Variants in TTC7A observed in about 807,000 individuals in gnomAD.
TTC7A encodes tetratricopeptide repeat domain 7A.
Under a neutral mutation model 103.7 loss-of-function variants are expected in TTC7A, and 110 were observed. That is an observed-to-expected ratio of 1.06 (90% CI 0.91 to 1.24). The LOEUF is 1.24. Among genes scored for constraint, TTC7A ranks in the 50% most tolerant of loss-of-function variants. The pLI, the probability that TTC7A is intolerant of heterozygous loss-of-function variation, is 0.00. For missense variants in TTC7A, 1,340 were observed against 1,116.3 expected, an observed-to-expected ratio of 1.20 and a Z score of -2.86; for synonymous variants, 521 against 467.9, an observed-to-expected ratio of 1.11 and a Z score of -1.47.
At chr2:47,038,048 T>G (rs1255694249) in intron 15 of TTC7A, among the ~76,000 whole-genome samples, 1 of 151,894 alleles carries the variant, frequency 6.6e-6, no homozygotes, top group African/African-American at 2.4e-5. Flanking sequence ...ATCAGGAGTT[T>G]GAGACCAGCC....
chr2:46,937,881 G>C (rs1457792715), upstream of TTC7A, among the ~76,000 whole-genome samples: 2 of 152,190 alleles, frequency 1.3e-5, no homozygotes, highest in Non-Finnish European at 2.9e-5. This position sits in a 1 kb window ranked among gnomAD's most constrained non-coding sequence, Gnocchi z 4.0. Context: ...TTTGTCAAGA[G>C]AGAAGTCTGT....
At chr2:46,987,163 C>A (rs113126385) in intron 5 of TTC7A, among the ~76,000 whole-genome samples, 1,562 of 152,290 alleles carry the variant, frequency 0.01, 15 homozygotes, top group Non-Finnish European at 0.017. Flanking sequence ...TGGAGGGCGT[C>A]TCTTCCCCTC....
chr2:46,940,879 G>C (rs1319730649), upstream of TTC7A, among the ~76,000 whole-genome samples: 1 of 152,124 alleles, frequency 6.6e-6, no homozygotes, highest in South Asian at 2.1e-4. This position sits in a 1 kb window ranked among gnomAD's most constrained non-coding sequence, Gnocchi z 4.7. Flanking sequence ...TTTGTGACGT[G>C]TCAGGGGCAG....
chr2:47,055,024 A>G (rs1463429589), intron 18 of TTC7A, among the ~76,000 whole-genome samples: 1 of 151,792 alleles, frequency 6.6e-6, no homozygotes, highest in Non-Finnish European at 1.5e-5. Flanking sequence ...GGCTGCCATC[A>G]TCACTAGCAA....
intron 14 of TTC7A, among the ~76,000 whole-genome samples, chr2:47,024,971 G>A (rs886206990): frequency 7.2e-5 from 11 of 152,142 alleles, no homozygotes; most frequent in African/African-American, 1.7e-4. Flanking sequence ...TTCCTGTGGC[G>A]CCTCAGCCTG....
intron 8 of TTC7A, among the ~76,000 whole-genome samples, chr2:47,002,342 T>C (rs1157328852): frequency 6.6e-6 from 1 of 152,244 alleles, no homozygotes; most frequent in Non-Finnish European, 1.5e-5. Context: ...ATTCTGCCAT[T>C]ATTCTAAGAA....
intron 5 of TTC7A, among the ~76,000 whole-genome samples, chr2:46,987,607 G>C (rs1397957081): frequency 6.6e-6 from 1 of 152,226 alleles, no homozygotes; most frequent in South Asian, 2.1e-4. Context: ...TGGGTCCAGA[G>C]TGAGCTTGGG....
chr2:46,920,505 A>C (rs1199654006), intron 2 of TTC7A, among the ~76,000 whole-genome samples: 1 of 151,664 alleles, frequency 6.6e-6, no homozygotes, highest in Non-Finnish European at 1.5e-5. Flanking sequence ...AATTTTTTGT[A>C]TTTTTAGTAG....
At chr2:46,978,996 T>C in intron 5 of TTC7A, 89 bp downstream of exon 5, 2 of 861,264 alleles carry the variant, frequency 2.3e-6, no homozygotes, top group Non-Finnish European at 3.8e-6. Context: ...CCCTCTTCTC[T>C]GGCCTGTGCA....
chr2:46,987,147 TG>T (rs1156806136), intron 5 of TTC7A, among the ~76,000 whole-genome samples: 1 of 151,544 alleles, frequency 6.6e-6, no homozygotes, highest in Admixed American at 6.6e-5. Context: ...CCTCGGTGGG[TG>T]GGGGTGGAGG....
chr2:46,946,383 A>T (rs558169889), intron 1 of TTC7A, among the ~76,000 whole-genome samples: 2 of 152,210 alleles, frequency 1.3e-5, no homozygotes, highest in African/African-American at 4.8e-5. Flanking sequence ...TTGGAAGGAC[A>T]GGGAAGCCTT....
chr2:46,987,100 G>A (rs1057489236), intron 5 of TTC7A, among the ~76,000 whole-genome samples: 1 of 152,164 alleles, frequency 6.6e-6, no homozygotes, highest in Admixed American at 6.5e-5. Flanking sequence ...GGCCTGAAAG[G>A]ACCATCAGGA....
chr2:47,006,947 G>C (rs1677478596), intron 10 of TTC7A, among the ~76,000 whole-genome samples: 1 of 152,158 alleles, frequency 6.6e-6, no homozygotes. Flanking sequence ...GTGAGTCTGT[G>C]GATGCTTTTC....
intron 9 of TTC7A, 135 bp from the exon 10 acceptor site, chr2:47,006,504 GTC>G: frequency 1.4e-6 from 1 of 739,912 alleles, no homozygotes; most frequent in South Asian, 1.7e-5. Flanking sequence ...TCGGCAGGGT[GTC>G]TCCCAGGAGC....
intron 2 of TTC7A, chr2:46,951,486 G>C (rs1469132987): frequency 4.5e-6 from 2 of 443,166 alleles, no homozygotes; most frequent in African/African-American, 4.0e-5. Flanking sequence ...AGGGGGAGGG[G>C]GTAAAAAAAA....
chr2:46,956,201 A>G (rs1249422992), intron 2 of TTC7A, among the ~76,000 whole-genome samples: 1 of 152,182 alleles, frequency 6.6e-6, no homozygotes, highest in Non-Finnish European at 1.5e-5. Context: ...AGGAGGGGAA[A>G]GAAAACACGT....
chr2:47,000,201 T>C (rs1451159658), intron 8 of TTC7A, among the ~76,000 whole-genome samples: 1 of 152,040 alleles, frequency 6.6e-6, no homozygotes, highest in Admixed American at 6.5e-5. Flanking sequence ...TAGTCATTTT[T>C]GAAAATGTTC....
At chr2:46,974,853 T>G (rs1296613534) in intron 3 of TTC7A, 120 bp from the exon 4 acceptor site, 3 of 515,312 alleles carry the variant, frequency 5.8e-6, no homozygotes, top group Non-Finnish European at 7.9e-6. Flanking sequence ...GACCTCCGCC[T>G]CCTCCTGGCT....
chr2:46,961,767 T>C (rs1472036692), intron 3 of TTC7A, among the ~76,000 whole-genome samples: 1 of 151,098 alleles, frequency 6.6e-6, no homozygotes, highest in African/African-American at 2.4e-5. Flanking sequence ...AACAAAAAAT[T>C]AGCTGGTCAT....
Sources: gnomAD v4.1 joint callset for allele counts (sites outside exome capture counted in the v4.1 genomes callset) on GRCh38, gnomAD v4.1.1 for gene constraint, Gnocchi (gnomAD v3.1) non-coding constraint, MANE v1.5 for transcripts, NCBI Gene and HGNC (gene_info 2026-07-23, HGNC 2026-07-21) for gene names.